COL15A1: variants seen among roughly 807,000 people sequenced by gnomAD.
The protein encoded by COL15A1 is collagen alpha-1(XV) chain.
Under a neutral mutation model 165.9 loss-of-function variants are expected in COL15A1, and 111 were observed. That is an observed-to-expected ratio of 0.67 (90% CI 0.57 to 0.78). The LOEUF is 0.78. COL15A1 is among the 30% of genes least tolerant of loss of function. The pLI, the probability that COL15A1 is intolerant of heterozygous loss-of-function variation, is 0.00. For synonymous variants in COL15A1, 659 were observed against 674.8 expected, an observed-to-expected ratio of 0.98 and a Z score of 0.36; for missense variants, 1,745 against 1,789.7, an observed-to-expected ratio of 0.98 and a Z score of 0.45.
At chr9:99,034,341 A>G (rs931230699) in intron 16 of COL15A1, among the ~76,000 whole-genome samples, 1 of 152,188 alleles carries the variant, frequency 6.6e-6, no homozygotes, top group East Asian at 1.9e-4. Context: ...TGATGGTTGA[A>G]AAGTGGGTTT....
At chr9:99,034,288 A>G (rs564369508) in intron 16 of COL15A1, among the ~76,000 whole-genome samples, 1 of 152,226 alleles carries the variant, frequency 6.6e-6, no homozygotes, top group South Asian at 2.1e-4. Flanking sequence ...CTCCCTCATT[A>G]ATCTTTAACT....
intron 34 of COL15A1, 58 bp downstream of exon 34, chr9:99,055,430 C>T (rs1825708327): frequency 9.4e-7 from 1 of 1,067,364 alleles, no homozygotes; most frequent in Admixed American, 1.7e-5. Flanking sequence ...TCCCGGAAGC[C>T]CCCAATGGGA....
At chr9:99,050,024 G>A in intron 30 of COL15A1, 129 bp downstream of exon 30, 2 of 1,297,780 alleles carry the variant, frequency 1.5e-6, no homozygotes, top group South Asian at 1.3e-5. Context: ...TCCCCTAAGT[G>A]TAGACCCTCA....
intron 7 of COL15A1, 45 bp downstream of exon 7, chr9:99,000,996 G>C: frequency 1.1e-6 from 1 of 897,170 alleles, no homozygotes; most frequent in East Asian, 2.4e-5. Context: ...TAGTAGGCTT[G>C]TTTGCTTATT....
At chr9:98,986,464 T>G (rs1299647435) in intron 3 of COL15A1, 1 of 205,342 alleles carries the variant, frequency 4.9e-6, no homozygotes, top group Non-Finnish European at 9.9e-6. Context: ...AGAGCAAGGT[T>G]TGTTATAGCC....
rs367586079 is a variant in COL15A1 at position 98,994,769 on chromosome 9, G to A, written c.805-2165G>A. Reference sequence around the variant, plus strand: ...TTTAATAGCAAGTCTTCAGACTTGAGGTTCCTATTTTGTCACAGGCCACAC... The same window carrying A: ...TTTAATAGCAAGTCTTCAGACTTGAAGTTCCTATTTTGTCACAGGCCACAC... On this transcript the variant is annotated intron_variant, in intron 5 of 41. Coordinates refer to ENST00000375001, the MANE Select transcript of COL15A1 (RefSeq NM_001855.5). 3.9e-5 allele frequency among the ~76,000 whole-genome samples: 6 copies of A among 152,234 alleles called. No individual in the cohort carries two copies. The East Asian group carries it at 1.2e-3, about 29-fold the overall frequency.
At chr9:98,995,405 ACT>A (rs1217768767) in intron 5 of COL15A1, among the ~76,000 whole-genome samples, 1 of 151,558 alleles carries the variant, frequency 6.6e-6, no homozygotes, top group Non-Finnish European at 1.5e-5. Context: ...ACCAGCGAGG[ACT>A]CTCTAAAACA....
chr9:99,029,033 G>A (rs1430891629), intron 16 of COL15A1, among the ~76,000 whole-genome samples: 3 of 152,154 alleles, frequency 2.0e-5, no homozygotes, highest in Non-Finnish European at 2.9e-5. Context: ...GCAGTAGAAT[G>A]TTTCTAGAAA....
Position 99,034,595 on chromosome 9 carries a change from A to G in COL15A1, c.2079+11A>G, listed in dbSNP as rs1339275558. The G allele has an allele frequency of 1.4e-6, 2 of 1,449,252 alleles. No individual in the cohort carries two copies. Among genetic ancestry groups the G allele is most frequent in the South Asian group, 1.3e-5 (1 of 75,680 alleles). The allele number at this position is 1,449,252 out of a possible 1,614,324, so 89.8% of individuals were successfully genotyped here. A position where few individuals can be genotyped will look rare whatever the true frequency, so the allele number is the denominator to read the frequency against. ...TCAGTTGGTGAAAAGGTAAAAAAAAAAAAAAAAAAAAAAAAAAAAGAACTT... is the reference window on the plus strand; with the variant it reads ...TCAGTTGGTGAAAAGGTAAAAAAAAGAAAAAAAAAAAAAAAAAAAGAACTT... On this transcript the variant is annotated intron_variant, in intron 17 of 41. Transcript: ENST00000375001.
At chr9:99,034,442 A>G (rs1222351224) in intron 16 of COL15A1, 107 bp from the exon 17 acceptor site, 2 of 1,470,310 alleles carry the variant, frequency 1.4e-6, no homozygotes, top group Non-Finnish European at 1.8e-6. Flanking sequence ...AAAGAGTCCT[A>G]TTTTAATATC....
intron 35 of COL15A1, 145 bp downstream of exon 35, chr9:99,056,549 T>A: frequency 7.7e-7 from 1 of 1,293,926 alleles, no homozygotes; most frequent in Non-Finnish European, 1.0e-6. Context: ...TTAATTGAGA[T>A]ACAATTTGCA....
At chr9:99,006,504 A>G (rs1470532559) in intron 9 of COL15A1, among the ~76,000 whole-genome samples, 2 of 152,144 alleles carry the variant, frequency 1.3e-5, no homozygotes, top group Non-Finnish European at 2.9e-5. Context: ...TTTAGCATCC[A>G]TGCTGGGAGA....
intron 16 of COL15A1, among the ~76,000 whole-genome samples, chr9:99,031,330 C>T (rs567207385): frequency 6.6e-6 from 1 of 152,260 alleles, no homozygotes; most frequent in Admixed American, 6.5e-5. Flanking sequence ...AGAGATGGGA[C>T]CCTTCCCATG....
intron 11 of COL15A1, among the ~76,000 whole-genome samples, chr9:99,019,078 C>T (rs1302748516): frequency 2.0e-5 from 3 of 152,144 alleles, no homozygotes; most frequent in Admixed American, 6.5e-5. Context: ...TAAGTCCCCA[C>T]GTTAGGGATC....
At chr9:99,028,533 C>T (rs982942192) in intron 16 of COL15A1, among the ~76,000 whole-genome samples, 12 of 152,118 alleles carry the variant, frequency 7.9e-5, no homozygotes, top group African/African-American at 2.9e-4. Context: ...AACCTGTAAT[C>T]CCAGCTGCTC....
At chr9:98,996,906 T>C (rs1463279472) in intron 5 of COL15A1, 28 bp from the exon 6 acceptor site, 5 of 1,609,412 alleles carry the variant, frequency 3.1e-6, no homozygotes, top group Non-Finnish European at 4.3e-6. Flanking sequence ...AAGTAAATCA[T>C]TTTGCATCTC....
At chr9:99,036,436 C>G in intron 21 of COL15A1, 40 bp downstream of exon 21, 1 of 1,604,186 alleles carries the variant, frequency 6.2e-7, no homozygotes, top group South Asian at 1.1e-5. Flanking sequence ...ACATATTTTC[C>G]ACCTTTGCCA....
intron 21 of COL15A1, 108 bp from the exon 22 acceptor site, chr9:99,038,560 C>T (rs988539901): frequency 5.6e-6 from 4 of 717,818 alleles, no homozygotes; most frequent in Non-Finnish European, 1.0e-5. Flanking sequence ...TTCTCAGTGT[C>T]TGCGGTGTTC....
At chr9:99,049,038 G>A (rs181414882) in intron 28 of COL15A1, among the ~76,000 whole-genome samples, 24 of 152,234 alleles carry the variant, frequency 1.6e-4, no homozygotes, top group Admixed American at 7.2e-4. Flanking sequence ...GAACCGGCAG[G>A]CAAACCAGAC....
Sources: gnomAD v4.1 joint callset for allele counts (sites outside exome capture counted in the v4.1 genomes callset) on GRCh38, gnomAD v4.1.1 for gene constraint, MANE v1.5 for transcripts, NCBI Gene and HGNC (gene_info 2026-07-23, HGNC 2026-07-21) for gene names.